The following NRBP2 variants were observed in gnomAD, a reference collection of about 807,000 sequenced individuals.
The protein encoded by NRBP2 is nuclear receptor-binding protein 2.
NRBP2 carries 47 observed loss-of-function variants against 74.4 expected under a neutral mutation model. The observed-to-expected ratio is 0.63, with a 90% CI of 0.50 to 0.81. NRBP2 has a LOEUF of 0.81. Ranked by LOEUF, NRBP2 falls within the 30% of genes least tolerant of loss-of-function variation. NRBP2 has a pLI of 0.00. For synonymous variants in NRBP2, 312 were observed against 273.8 expected, an observed-to-expected ratio of 1.14 and a Z score of -1.38; for missense variants, 613 against 690.1, an observed-to-expected ratio of 0.89 and a Z score of 1.25.
In NRBP2 at chr8:143,839,685, C is replaced by T. The variant is rs1563864658; in HGVS notation, c.444+51G>A. 4 of 1,532,278 alleles carry T rather than the reference C, an allele frequency of 2.6e-6. No individual in the cohort carries two copies. In the African/African-American group the frequency reaches 5.5e-5, roughly 21 times the overall value. The allele number at this position is 1,532,278 out of a possible 1,614,324, so 94.9% of individuals were successfully genotyped here. On this transcript the variant is annotated intron_variant, in intron 4 of 17. Transcript: ENST00000442628. This position sits in a 1 kb window ranked among gnomAD's most constrained non-coding sequence, Gnocchi z 5.1. ...CCCCTCACCATCCCAGTCCCCGAGGCTGCCCCAACCCCGTCCTGTCCCCGT... is the reference window on the plus strand; with the variant it reads ...CCCCTCACCATCCCAGTCCCCGAGGTTGCCCCAACCCCGTCCTGTCCCCGT...
At chr8:143,830,337 A>G (rs1009633590), downstream of NRBP2, among the ~76,000 whole-genome samples, 9 of 152,262 alleles carry the variant, frequency 5.9e-5, no homozygotes, top group African/African-American at 2.2e-4. Context: ...GCACAGCTAC[A>G]GAAAGGAAAC....
At position 143,837,132 on chromosome 8, in the gene NRBP2, G is replaced by T; in HGVS notation, c.1170C>A (p.Pro390=). 4 of 1,612,432 alleles carry T rather than the reference G, an allele frequency of 2.5e-6. No homozygotes were observed. The highest frequency in any genetic ancestry group is 1.3e-5 in the African/African-American group (1 of 75,000). The part of the protein sequence containing the change: ...YPLMNFAATR[P]LGLPRVLAPP... ...GGGCCAGCACACGGGGCAGCCCCAG[G>T]GGTCGAGTGGCTGCAAAGTTCATCA... Residue 390 remains proline, a synonymous_variant, in exon 14 of 18, where the codon CCC becomes CCA. Coordinates refer to ENST00000442628, the MANE Select transcript of NRBP2 (RefSeq NM_178564.4). This position sits in a 1 kb window ranked among gnomAD's most constrained non-coding sequence, Gnocchi z 4.3.
Position 143,840,865 on chromosome 8 carries a change from C to G in NRBP2, c.-31G>C. The stretch of plus-strand genomic sequence containing the variant: ...GGCCAGCCCAGGCCACCGCCCTCTG[C>G]GCGATCCGCCGCCGGCGCAGCCTCT... On this transcript the variant is annotated 5_prime_UTR_variant, in exon 1 of 18. Transcript: ENST00000442628. This position sits in a 1 kb window ranked among gnomAD's most constrained non-coding sequence, Gnocchi z 5.7. 1 of 1,299,996 alleles carries G rather than the reference C, an allele frequency of 7.7e-7. No individual in the cohort carries two copies. The allele number at this position is 1,299,996 out of a possible 1,614,324, so 80.5% of individuals were successfully genotyped here. A position where few individuals can be genotyped will look rare whatever the true frequency, so the allele number is the denominator to read the frequency against.
chr8:143,830,216 C>T (rs1334428864), downstream of NRBP2, among the ~76,000 whole-genome samples: 6 of 152,262 alleles, frequency 3.9e-5, no homozygotes, highest in Non-Finnish European at 5.9e-5. Flanking sequence ...TAAAGACAAA[C>T]CCTGCAAGGG....
Position 143,838,782 on chromosome 8 carries a change from C to T in NRBP2, c.745-7G>A, listed in dbSNP as rs1430456750. On this transcript the variant is annotated splice_polypyrimidine_tract_variant and splice_region_variant and intron_variant, in intron 9 of 17. Transcript: ENST00000442628. Reference sequence around the variant, plus strand: ...GGATTTCCAGTACAGCCATCTGGGGCACAGAGCCAGGTCAGGCATGGGGAA... The same window carrying T: ...GGATTTCCAGTACAGCCATCTGGGGTACAGAGCCAGGTCAGGCATGGGGAA... The T allele has an allele frequency of 6.2e-7, 1 of 1,612,270 alleles. No individual in the cohort carries two copies. The highest frequency in any genetic ancestry group is 8.5e-7 in the Non-Finnish European group (1 of 1,179,130).
downstream of NRBP2, among the ~76,000 whole-genome samples, chr8:143,832,127 C>T (rs910342194): frequency 2.6e-5 from 4 of 152,138 alleles, no homozygotes; most frequent in African/African-American, 9.7e-5. Flanking sequence ...TACCCCCAAC[C>T]CCGTGCTCTC....
In NRBP2 at chr8:143,835,619, C is replaced by G. The variant is rs782540385; in HGVS notation, c.*43G>C. ...TGGAGTCTCCCCAACATGGCCTGCCCAGGCAGCACCCCGGCATGGTCCCCT... is the reference window on the plus strand; with the variant it reads ...TGGAGTCTCCCCAACATGGCCTGCCGAGGCAGCACCCCGGCATGGTCCCCT... On this transcript the variant is annotated 3_prime_UTR_variant, in exon 18 of 18. Transcript: ENST00000442628. This position sits in a 1 kb window ranked among gnomAD's most constrained non-coding sequence, Gnocchi z 4.9. The G allele has an allele frequency of 6.7e-7, 1 of 1,501,132 alleles. No individual in the cohort carries two copies. Among genetic ancestry groups the G allele is most frequent in the Non-Finnish European group, 9.0e-7 (1 of 1,115,134 alleles). The allele number at this position is 1,501,132 out of a possible 1,614,324, so 93.0% of individuals were successfully genotyped here. A position where few individuals can be genotyped will look rare whatever the true frequency, so the allele number is the denominator to read the frequency against.
chr8:143,838,655 G>A (rs1325728830), intron 10 of NRBP2, 25 bp downstream of exon 10: 45 of 1,564,062 alleles, frequency 2.9e-5, no homozygotes, highest in Non-Finnish European at 3.8e-5. Flanking sequence ...GAGCCAGCTG[G>A]GGAGGGGCAG....
At chr8:143,838,837 CAGTT>C (rs782095238) in intron 9 of NRBP2, 42 bp downstream of exon 9, 3 of 1,612,252 alleles carry the variant, frequency 1.9e-6, no homozygotes, top group Non-Finnish European at 1.7e-6. Flanking sequence ...AGGCAGGGCA[CAGTT>C]AGGAGGAGGG....
chr8:143,838,570 A>T (rs782070688), intron 10 of NRBP2, 110 bp downstream of exon 10: 44 of 771,994 alleles, frequency 5.7e-5, no homozygotes, highest in Non-Finnish European at 8.3e-5. Context: ...CAGCTGGTAT[A>T]CCCCTCAACT....
Position 143,839,396 on chromosome 8 carries a change from G to A in NRBP2, c.498C>T (p.Ala166=), listed in dbSNP as rs2130555515. The change falls in exon 6 of 18, where the codon GCC becomes GCT. Residue 166 remains alanine, a synonymous_variant. Transcript: ENST00000442628. This position sits in a 1 kb window ranked among gnomAD's most constrained non-coding sequence, Gnocchi z 5.1. ...TCCCGTGGATGATTGGGGGGCTGCA[G>A]GCGTGCAGGAAGCTGCAGACGTTGG... is the stretch of plus-strand genomic sequence containing the variant. The part of the protein sequence containing the change: ...QILSALSFLH[A]CSPPIIHGNL... 3.2e-6 allele frequency: 5 copies of A among 1,579,270 alleles called. No homozygotes were observed. The highest frequency in any genetic ancestry group is 1.7e-5 in the Admixed American group (1 of 57,500).
chr8:143,838,413 T>A (rs1434217466), intron 10 of NRBP2, among the ~76,000 whole-genome samples: 1 of 152,208 alleles, frequency 6.6e-6, no homozygotes, highest in Non-Finnish European at 1.5e-5. Context: ...GAACCTTGGT[T>A]TCTTTATAAA....
chr8:143,835,659 G>A lies in NRBP2; in HGVS notation c.*3C>T, dbSNP rs560222366. 3.2e-5 allele frequency: 51 copies of A among 1,576,612 alleles called. No individual in the cohort carries two copies. The highest frequency in any genetic ancestry group is 2.8e-4 in the South Asian group (24 of 85,824). On this transcript the variant is annotated 3_prime_UTR_variant, in exon 18 of 18. Coordinates refer to ENST00000442628, the MANE Select transcript of NRBP2 (RefSeq NM_178564.4). This position sits in a 1 kb window ranked among gnomAD's most constrained non-coding sequence, Gnocchi z 4.9. ...CATGGTCCCCTGGGGCTGGGGCTCCGGGTCAGGCCTGGGTCCCACGGTACT... is the reference window on the plus strand; with the variant it reads ...CATGGTCCCCTGGGGCTGGGGCTCCAGGTCAGGCCTGGGTCCCACGGTACT...
chr8:143,835,928 G>C lies in NRBP2; in HGVS notation c.1381+39C>G, dbSNP rs1554651545. ...GAGGCCGCTGCCCACCCGCCGCCTG[G>C]GGTCACCGCCCGCCGCCCAAGTCCC... On this transcript the variant is annotated intron_variant, in intron 16 of 17. Coordinates refer to ENST00000442628, the MANE Select transcript of NRBP2 (RefSeq NM_178564.4). The surrounding 1 kb of genome is among the most constrained non-coding windows in gnomAD (Gnocchi z 4.9). The C allele has an allele frequency of 6.3e-7, 1 of 1,591,810 alleles. No individual in the cohort carries two copies. Among genetic ancestry groups the C allele is most frequent in the Admixed American group, 1.7e-5 (1 of 58,022 alleles).
Position 143,838,689 on chromosome 8 carries a change from G to A in NRBP2, c.831C>T (p.Pro277=). 2 of 1,608,288 alleles carry A rather than the reference G, an allele frequency of 1.2e-6. No individual in the cohort carries two copies. Among genetic ancestry groups the A allele is most frequent in the Non-Finnish European group, 1.7e-6 (2 of 1,177,142 alleles). Residue 277 remains proline (P), a synonymous_variant, in exon 10 of 18, where the codon CCC becomes CCT. Transcript: ENST00000442628. The stretch of plus-strand genomic sequence containing the variant: ...AGGGCAAGCTGCTTACCCGCATGTT[G>A]GGGTCACTCAGCGAGTGCCTGGCGC... ...IARARHSLSD[P]NMREFILCCL...
intron 14 of NRBP2, among the ~76,000 whole-genome samples, chr8:143,836,698 T>TGGGGGGGGGGGGGGGG: frequency 9.9e-5 from 1 of 10,086 alleles, no homozygotes; most frequent in African/African-American, 1.8e-4. Flanking sequence ...ATGGGAGGGG[T>TGGGGGGGGGGGGGGGG]GGGGGGGGTG....
chr8:143,840,511 G>A lies in NRBP2; in HGVS notation c.129+195C>T. 1.5e-6 allele frequency: 1 copy of A among 665,004 alleles called. No individual in the cohort carries two copies. The highest frequency in any genetic ancestry group is 2.5e-6 in the Non-Finnish European group (1 of 402,904). 41.2% of individuals were successfully genotyped at this position (665,004 alleles called of 1,614,324 possible). A position where few individuals can be genotyped will look rare whatever the true frequency, so the allele number is the denominator to read the frequency against. ...GCATGGGGAGGTGGTCCTGGGAGGA[G>A]ACTGGCCCTCAGGGAGTCCCAGGGC... On this transcript the variant is annotated intron_variant, in intron 1 of 17. Transcript: ENST00000442628. The surrounding 1 kb of genome is among the most constrained non-coding windows in gnomAD (Gnocchi z 5.7).
chr8:143,830,035 A>G (rs577197956), downstream of NRBP2, among the ~76,000 whole-genome samples: 3 of 152,322 alleles, frequency 2.0e-5, no homozygotes, highest in East Asian at 5.8e-4. Context: ...AAGAAGCCAC[A>G]TCTGTAAGCT....
intron 14 of NRBP2, 145 bp downstream of exon 14, chr8:143,836,894 A>G (rs1318722974): frequency 3.3e-6 from 3 of 908,732 alleles, no homozygotes; most frequent in Non-Finnish European, 3.4e-6. Context: ...GACCCCCACA[A>G]GGGGGTCAGC....
Sources: gnomAD v4.1 joint callset for allele counts (sites outside exome capture counted in the v4.1 genomes callset) on GRCh38, gnomAD v4.1.1 for gene constraint, Gnocchi (gnomAD v3.1) non-coding constraint, MANE v1.5 for transcripts, NCBI Gene and HGNC (gene_info 2026-07-23, HGNC 2026-07-21) for gene names.